Variants in CSMD3 observed in about 807,000 individuals in gnomAD.
CSMD3 encodes the protein CUB and sushi domain-containing protein 3.
CSMD3 carries 177 observed loss-of-function variants against 435.2 expected under a neutral mutation model. That is an observed-to-expected ratio of 0.41 (90% confidence interval 0.36 to 0.46). CSMD3 has a LOEUF of 0.46. Ranked by LOEUF, CSMD3 falls within the 20% of genes least tolerant of loss-of-function variation. The pLI is 0.34. For missense variants in CSMD3, 4,265 were observed against 4,504.6 expected, an observed-to-expected ratio of 0.95 and a Z score of 1.52; for synonymous variants, 1,656 against 1,520.5, an observed-to-expected ratio of 1.09 and a Z score of -2.07.
chr8:112,581,769 A>G (rs933790933), intron 23 of CSMD3, among the ~76,000 whole-genome samples: 4 of 152,196 alleles, frequency 2.6e-5, no homozygotes, highest in Non-Finnish European at 4.4e-5. Context: ...CTATGAATGC[A>G]TAATATTTCA....
In CSMD3 at chr8:112,291,655, T is replaced by G; in HGVS notation, c.8829A>C (p.Lys2943Asn). The change falls in exon 56 of 71, where the codon AAA becomes AAC. Residue 2943 changes from lysine to asparagine, a missense_variant. Physicochemically the swap from Lys to Asn is moderately conservative, Grantham distance 94 (BLOSUM62 0). This residue lies in a region of CSMD3 where 3,255 missense variants were observed against 3,380.2 expected (regional missense o/e 0.96). Transcript: ENST00000297405. ...CSDPGIPANS[K>N]RESKIEHGNF... ...TTCCATGTTCTATTTTACTTTCTCTTTTAGAATTGGCTGGAATTCCAGGAT... is the reference window on the plus strand; with the variant it reads ...TTCCATGTTCTATTTTACTTTCTCTGTTAGAATTGGCTGGAATTCCAGGAT... 6.2e-7 allele frequency: 1 copy of G among 1,612,632 alleles called. No individual in the cohort carries two copies.
intron 23 of CSMD3, among the ~76,000 whole-genome samples, chr8:112,580,458 T>C (rs1198177636): frequency 1.3e-5 from 2 of 150,284 alleles, no homozygotes; most frequent in East Asian, 2.0e-4. Context: ...TGCCAATAAT[T>C]AGACAATAGA....
chr8:112,435,313 A>G (rs1258599349), intron 32 of CSMD3, among the ~76,000 whole-genome samples: 1 of 152,122 alleles, frequency 6.6e-6, no homozygotes, highest in African/African-American at 2.4e-5. Context: ...AAAGTGCTCT[A>G]TAACCATTAT....
intron 31 of CSMD3, among the ~76,000 whole-genome samples, chr8:112,482,229 T>G (rs997461239): frequency 2.6e-5 from 4 of 152,176 alleles, no homozygotes; most frequent in Non-Finnish European, 5.9e-5. Flanking sequence ...AAAGAGTCAT[T>G]CTATGACAAA....
intron 32 of CSMD3, among the ~76,000 whole-genome samples, chr8:112,438,956 C>T (rs747491257): frequency 6.6e-5 from 10 of 152,098 alleles, no homozygotes; most frequent in South Asian, 4.1e-4. Context: ...GGTTTTAGCC[C>T]TTAGTCATTG....
At chr8:112,445,190 C>T (rs943553509) in intron 32 of CSMD3, among the ~76,000 whole-genome samples, 4 of 151,964 alleles carry the variant, frequency 2.6e-5, no homozygotes, top group African/African-American at 7.3e-5. Context: ...TTGCAGTGAG[C>T]CAAGATTGCA....
intron 32 of CSMD3, among the ~76,000 whole-genome samples, chr8:112,435,172 A>G (rs1814188699): frequency 6.6e-6 from 1 of 152,124 alleles, no homozygotes; most frequent in Admixed American, 6.6e-5. Flanking sequence ...AAAATAAGGT[A>G]TGGAAAAATG....
At chr8:113,407,781 T>C (rs1299955113) in intron 1 of CSMD3, among the ~76,000 whole-genome samples, 1 of 152,138 alleles carries the variant, frequency 6.6e-6, no homozygotes, top group Non-Finnish European at 1.5e-5. Flanking sequence ...AAGATGCTTA[T>C]TAAATTAATC....
intron 4 of CSMD3, among the ~76,000 whole-genome samples, chr8:113,133,984 G>C (rs533059336): frequency 6.6e-6 from 1 of 151,982 alleles, no homozygotes; most frequent in East Asian, 1.9e-4. Context: ...ATAACAATGT[G>C]AATGTACTTA....
At chr8:112,981,412 A>G (rs1052517150) in intron 6 of CSMD3, among the ~76,000 whole-genome samples, 3 of 151,482 alleles carry the variant, frequency 2.0e-5, no homozygotes, top group African/African-American at 4.8e-5. Flanking sequence ...AATACATATC[A>G]CCTTTCTGAA....
intron 22 of CSMD3, among the ~76,000 whole-genome samples, chr8:112,618,446 A>G (rs1323805146): frequency 6.6e-6 from 1 of 152,096 alleles, no homozygotes. Flanking sequence ...AAACATCCTA[A>G]ACCAGACTTA....
rs143076552 is a variant in CSMD3 at position 112,650,295 on chromosome 8, C to T, written c.3059G>A (p.Arg1020His). The T allele has an allele frequency of 5.5e-4, 893 of 1,613,428 alleles. 2 individuals carry two copies. In the African/African-American group the frequency reaches 9.1e-3, roughly 16 times the overall value. Residue 1020 changes from arginine (R) to histidine (H), a missense_variant, in exon 19 of 71, where the codon CGT (arginine) becomes CAT (histidine). Arg to His is a conservative substitution (Grantham distance 29). This residue lies in a region of CSMD3 where 3,255 missense variants were observed against 3,380.2 expected (regional missense o/e 0.96). Coordinates refer to ENST00000297405, the MANE Select transcript of CSMD3 (RefSeq NM_198123.2). ...AATGGAGAAATCATGACCATAGCGA[C>T]GGCCATGTACAGGTATGCCAGGGTC... The part of the protein sequence containing the change: ...CLDPGIPVHG[R>H]RYGHDFSIGS...
chr8:112,484,984 C>T (rs1819981682), intron 31 of CSMD3, among the ~76,000 whole-genome samples: 1 of 152,106 alleles, frequency 6.6e-6, no homozygotes, highest in Admixed American at 6.5e-5. Context: ...CAAATTACTT[C>T]TTACATTGGC....
At chr8:113,090,198 A>G (rs2089956052) in intron 5 of CSMD3, among the ~76,000 whole-genome samples, 1 of 152,142 alleles carries the variant, frequency 6.6e-6, no homozygotes, top group Non-Finnish European at 1.5e-5. Flanking sequence ...TTTACTAGAT[A>G]AGAGAAATTA....
chr8:112,357,253 C>T (rs1586864364), intron 38 of CSMD3, among the ~76,000 whole-genome samples: 1 of 152,078 alleles, frequency 6.6e-6, no homozygotes, highest in South Asian at 2.1e-4. Flanking sequence ...GCATTTTGCC[C>T]CTGCCCTAGA....
chr8:112,320,149 C>A (rs773590971), intron 45 of CSMD3, among the ~76,000 whole-genome samples, 168 bp from the exon 46 acceptor site: 3 of 152,104 alleles, frequency 2.0e-5, no homozygotes, highest in Non-Finnish European at 4.4e-5. Context: ...TACAACATTA[C>A]AAAATATTTT....
chr8:112,692,911 TTATATCTA>T (rs1328326491), intron 13 of CSMD3, among the ~76,000 whole-genome samples: 47 of 144,094 alleles, frequency 3.3e-4, no homozygotes, highest in Admixed American at 2.1e-3. Context: ...AAATTAATCT[TTATATCTA>T]TCTATCTATC....
At chr8:112,540,333 T>A (rs1826540908) in intron 27 of CSMD3, among the ~76,000 whole-genome samples, 1 of 151,994 alleles carries the variant, frequency 6.6e-6, no homozygotes, top group Non-Finnish European at 1.5e-5. Flanking sequence ...ACTGTTGGTG[T>A]GAATGTTAAT....
chr8:113,099,432 G>C (rs1205030647), intron 4 of CSMD3, among the ~76,000 whole-genome samples: 6 of 152,044 alleles, frequency 3.9e-5, no homozygotes, highest in Non-Finnish European at 1.5e-5. Flanking sequence ...TATAGTTCAT[G>C]TCAATGGTAT....
Sources: gnomAD v4.1 joint callset for allele counts (sites outside exome capture counted in the v4.1 genomes callset) on GRCh38, gnomAD v4.1.1 for gene constraint, gnomAD v4.1.1 regional missense constraint, MANE v1.5 for transcripts, NCBI Gene and HGNC (gene_info 2026-07-23, HGNC 2026-07-21) for gene names.